The following SEC31A variants were observed in gnomAD, a reference collection of about 807,000 sequenced individuals.
SEC31A encodes protein transport protein Sec31A.
In SEC31A, 70 loss-of-function variants were observed where a neutral mutation model predicts 151.0. That is an observed-to-expected ratio of 0.46 (90% CI 0.38 to 0.57). The LOEUF (loss-of-function observed/expected upper bound fraction) is 0.57, where lower values mean the gene tolerates loss of function less well. Among genes scored for constraint, SEC31A ranks in the 20% least tolerant of loss-of-function variants. The pLI, the probability that SEC31A is intolerant of heterozygous loss-of-function variation, is 0.00. For missense variants in SEC31A, 1,330 were observed against 1,471.2 expected, an observed-to-expected ratio of 0.90 and a Z score of 1.57; for synonymous variants, 475 against 505.9, an observed-to-expected ratio of 0.94 and a Z score of 0.82.
intron 16 of SEC31A, among the ~76,000 whole-genome samples, chr4:82,855,886 A>C (rs938172216): frequency 3.9e-5 from 6 of 152,176 alleles, no homozygotes; most frequent in African/African-American, 1.4e-4. Flanking sequence ...CCCCTATGAC[A>C]CGAGTTTACT....
In SEC31A at chr4:82,861,686, A is replaced by C; in HGVS notation, c.1571T>G (p.Val524Gly). ...ANVALKDSDQ[V>G]AQSDGEESPA... is the part of the protein sequence containing the mutation. ...GCTCTCCTCCCCATCACTCTGTGCT[A>C]CTTGGTCAGAGTCTTTAAGAGCCTT... The change falls in exon 14 of 27, where the codon GTA becomes GGA. Residue 524 changes from valine (V) to glycine (G), a missense_variant. Coordinates refer to ENST00000395310, the MANE Select transcript of SEC31A (RefSeq NM_001077207.4). The C allele has an allele frequency of 6.2e-7, 1 of 1,610,762 alleles. No homozygotes were observed.
intron 13 of SEC31A, 24 bp from the exon 14 acceptor site, chr4:82,861,732 G>T (rs748982560): frequency 2.0e-6 from 3 of 1,536,498 alleles, no homozygotes; most frequent in Non-Finnish European, 1.8e-6. Context: ...AACAATTACA[G>T]GGGAAGGTGA....
At chr4:82,859,964 T>C (rs1322342907) in intron 14 of SEC31A, among the ~76,000 whole-genome samples, 1 of 152,044 alleles carries the variant, frequency 6.6e-6, no homozygotes, top group Non-Finnish European at 1.5e-5. Context: ...GGCTAAATTT[T>C]TGTATTTTCA....
At chr4:82,891,312 A>T, upstream of SEC31A, 1 of 883,594 alleles carries the variant, frequency 1.1e-6, no homozygotes, top group Non-Finnish European at 1.7e-6. Context: ...GACCGGCGGT[A>T]GCCTGGGAGG....
chr4:82,890,890 C>G, intron 1 of SEC31A, 198 bp downstream of exon 1: 1 of 1,392,484 alleles, frequency 7.2e-7, no homozygotes, highest in Non-Finnish European at 9.3e-7. Flanking sequence ...TGCGGACGGG[C>G]GCGATCACTG....
chr4:82,859,552 C>T (rs888685741), intron 14 of SEC31A, among the ~76,000 whole-genome samples: 11 of 152,164 alleles, frequency 7.2e-5, no homozygotes, highest in Admixed American at 6.5e-4. Context: ...AGTTCAGTGG[C>T]ATTTTAGAAC....
chr4:82,873,211 C>T (rs1352308884), intron 6 of SEC31A, among the ~76,000 whole-genome samples: 5 of 151,624 alleles, frequency 3.3e-5, no homozygotes, highest in Non-Finnish European at 2.9e-5. Flanking sequence ...TACAAAAATT[C>T]GCCAGGTATG....
intron 23 of SEC31A, 114 bp from the exon 24 acceptor site, chr4:82,827,746 TA>T: frequency 1.0e-6 from 1 of 967,800 alleles, no homozygotes; most frequent in South Asian, 1.6e-5. Flanking sequence ...AATTTTTTAA[TA>T]GTAGTAGAAT....
chr4:82,853,444 T>C (rs918420713), intron 18 of SEC31A, 126 bp downstream of exon 18: 65 of 792,208 alleles, frequency 8.2e-5, no homozygotes, highest in Non-Finnish European at 1.2e-4. Flanking sequence ...AATAAATGCA[T>C]ATAATTATCC....
At chr4:82,828,939 A>G (rs1725279674) in intron 23 of SEC31A, 61 bp downstream of exon 23, 3 of 1,318,074 alleles carry the variant, frequency 2.3e-6, no homozygotes, top group Non-Finnish European at 2.2e-6. Flanking sequence ...AGTGTGTTCC[A>G]AGTGGCTACG....
At chr4:82,821,259 C>A (rs1033969827) in intron 25 of SEC31A, 151 bp from the exon 26 acceptor site, 1 of 641,322 alleles carries the variant, frequency 1.6e-6, no homozygotes. Flanking sequence ...GAAACTTGAA[C>A]AGATTATGGC....
chr4:82,867,105 A>G (rs1735581237), intron 9 of SEC31A, 50 bp downstream of exon 9: 9 of 1,567,042 alleles, frequency 5.7e-6, no homozygotes, highest in African/African-American at 1.4e-5. Context: ...ATTACACAAC[A>G]CATACTTTTT....
chr4:82,848,844 T>C lies in SEC31A; in HGVS notation c.2462A>G (p.His821Arg). The change falls in exon 20 of 27, where the codon CAC (histidine) becomes CGC (arginine). Residue 821 changes from histidine to arginine, a missense_variant. By Grantham distance (29) the His-to-Arg change is conservative (BLOSUM62 0). Coordinates refer to ENST00000395310, the MANE Select transcript of SEC31A (RefSeq NM_001077207.4). ...TTGAGTTTGAACTCTTGGCATCTGGTGGTGGCCAGCAACTGGTCCAGGCCT... is the reference window on the plus strand; with the variant it reads ...TTGAGTTTGAACTCTTGGCATCTGGCGGTGGCCAGCAACTGGTCCAGGCCT... ...KGRPGPVAGH[H>R]QMPRVQTQQY... 6.2e-7 allele frequency: 1 copy of C among 1,613,942 alleles called. No individual in the cohort carries two copies. Among genetic ancestry groups the C allele is most frequent in the South Asian group, 1.1e-5 (1 of 91,054 alleles).
At chr4:82,888,372 A>AACAC (rs1553938372) in intron 1 of SEC31A, among the ~76,000 whole-genome samples, 1 of 42,956 alleles carries the variant, frequency 2.3e-5, no homozygotes, top group Non-Finnish European at 5.7e-5. Flanking sequence ...AAAAAAAAAA[A>AACAC]ACACACAAAA....
At chr4:82,865,493 G>A (rs1195173594) in intron 10 of SEC31A, among the ~76,000 whole-genome samples, 2 of 133,604 alleles carry the variant, frequency 1.5e-5, no homozygotes, top group Admixed American at 1.6e-4. Context: ...AAAGGTGGAA[G>A]CAACCAAAAT....
chr4:82,824,723 T>A (rs1375891849), intron 24 of SEC31A, 49 bp from the exon 25 acceptor site: 1 of 1,589,848 alleles, frequency 6.3e-7, no homozygotes, highest in Admixed American at 1.8e-5. Flanking sequence ...GAAGCTACCT[T>A]ATATACACAA....
At chr4:82,880,989 A>ATGCTTTTAACTTCTGTTTT in intron 2 of SEC31A, 67 bp from the exon 3 acceptor site, 1 of 1,353,634 alleles carries the variant, frequency 7.4e-7, no homozygotes, top group South Asian at 1.3e-5. Context: ...CATACAAAAC[A>ATGCTTTTAACTTCTGTTTT]GAAGTTAAAA....
Position 82,857,237 on chromosome 4 carries a change from C to A in SEC31A, c.1703-107G>T, listed in dbSNP as rs1732871268. ...TTTATATATATACATGAATGGAGAC[C>A]ACAACACTAATTTCTGATTACTAGT... On this transcript the variant is annotated intron_variant, in intron 15 of 26. Coordinates refer to ENST00000395310, the MANE Select transcript of SEC31A (RefSeq NM_001077207.4). 6 of 870,960 alleles carry A rather than the reference C, an allele frequency of 6.9e-6. No homozygotes were observed. The South Asian group carries it at 8.4e-5, about 12-fold the overall frequency. The allele number at this position is 870,960 out of a possible 1,614,324, so 54.0% of individuals were successfully genotyped here. A position where few individuals can be genotyped will look rare whatever the true frequency, so the allele number is the denominator to read the frequency against.
chr4:82,885,772 A>G (rs1158542363), intron 1 of SEC31A, among the ~76,000 whole-genome samples: 1 of 152,182 alleles, frequency 6.6e-6, no homozygotes, highest in African/African-American at 2.4e-5. Context: ...GACATTTAAC[A>G]TTTACATTTT....
Sources: gnomAD v4.1 joint callset for allele counts (sites outside exome capture counted in the v4.1 genomes callset) on GRCh38, gnomAD v4.1.1 for gene constraint, MANE v1.5 for transcripts, NCBI Gene and HGNC (gene_info 2026-07-23, HGNC 2026-07-21) for gene names.